The following DAPK1 variants were observed in gnomAD, a reference collection of about 807,000 sequenced individuals.
The protein encoded by DAPK1 is death-associated protein kinase 1.
Under a neutral mutation model 144.9 loss-of-function variants are expected in DAPK1, and 56 were observed. That is an observed-to-expected ratio of 0.39 (90% CI 0.31 to 0.48). The LOEUF (loss-of-function observed/expected upper bound fraction) is 0.48, where lower values mean the gene tolerates loss of function less well. Among genes scored for constraint, DAPK1 ranks in the 20% least tolerant of loss-of-function variants. DAPK1 has a pLI of 0.95. For missense variants in DAPK1, 1,454 were observed against 1,875.4 expected (o/e 0.78, Z 4.15); for synonymous variants, 690 against 749.0 (o/e 0.92, Z 1.29).
At chr9:87,581,439 CTTAG>C (rs750237267) in intron 2 of DAPK1, among the ~76,000 whole-genome samples, 1 of 151,326 alleles carries the variant, frequency 6.6e-6, no homozygotes, top group Non-Finnish European at 1.5e-5. Flanking sequence ...AAAAAAAAAA[CTTAG>C]TTAATTTTAC....
chr9:87,594,944 C>G lies in DAPK1; in HGVS notation c.63-10010C>G, dbSNP rs916112773. On this transcript the variant is annotated intron_variant, in intron 2 of 25. Transcript: ENST00000408954. ...TCAATCCCAGGAAGGTCTGAATCCA[C>G]CTGGGCACCTCCCACCTCCACCTCT... Among the ~76,000 whole-genome samples, 5 of 152,210 alleles carry G rather than the reference C, an allele frequency of 3.3e-5. No individual in the cohort carries two copies. In the East Asian group the frequency reaches 9.7e-4, roughly 29 times the overall value.
At chr9:87,556,757 C>T (rs7869390) in intron 2 of DAPK1, among the ~76,000 whole-genome samples, 45,180 of 152,160 alleles carry the variant, frequency 0.3, 7,036 homozygotes, top group Middle Eastern at 0.41. Context: ...CTCCTCAGCC[C>T]ATACCCTCAG....
chr9:87,545,563 TG>T (rs1826219020), intron 2 of DAPK1, among the ~76,000 whole-genome samples: 1 of 152,148 alleles, frequency 6.6e-6, no homozygotes, highest in African/African-American at 2.4e-5. Context: ...AATTTTTTTT[TG>T]AGATGGAGTT....
At chr9:87,659,359 C>T (rs1830749341) in intron 18 of DAPK1, among the ~76,000 whole-genome samples, 1 of 152,204 alleles carries the variant, frequency 6.6e-6, no homozygotes, top group South Asian at 2.1e-4. Context: ...CCCTGCTGTG[C>T]CTGACTTGCT....
At chr9:87,517,217 G>T (rs998518776) in intron 2 of DAPK1, among the ~76,000 whole-genome samples, 1 of 151,866 alleles carries the variant, frequency 6.6e-6, no homozygotes, top group African/African-American at 2.4e-5. Flanking sequence ...AGTGGGCACC[G>T]ATAGCAGGCT....
intron 2 of DAPK1, among the ~76,000 whole-genome samples, chr9:87,503,802 C>T (rs1464297376): frequency 6.6e-6 from 1 of 152,164 alleles, no homozygotes; most frequent in Non-Finnish European, 1.5e-5. Context: ...GTAATGAGCA[C>T]AGCAGCCAAA....
At chr9:87,696,163 A>G (rs1825251404) in intron 21 of DAPK1, among the ~76,000 whole-genome samples, 1 of 4,846 alleles carries the variant, frequency 2.1e-4, no homozygotes, top group Non-Finnish European at 3.5e-4. Flanking sequence ...ATATATATGT[A>G]TACAGACACA....
intron 2 of DAPK1, among the ~76,000 whole-genome samples, chr9:87,566,398 T>A (rs1231945055): frequency 6.6e-6 from 1 of 152,102 alleles, no homozygotes; most frequent in African/African-American, 2.4e-5. Flanking sequence ...TATTAAGCCA[T>A]TCTTGTTCTT....
chr9:87,707,668 T>G lies in DAPK1; in HGVS notation c.*304T>G. 2 of 489,608 alleles carry G rather than the reference T, an allele frequency of 4.1e-6. No individual in the cohort carries two copies. The highest frequency in any genetic ancestry group is 3.7e-6 in the Non-Finnish European group (1 of 268,672). 30.3% of individuals were successfully genotyped at this position (489,608 alleles called of 1,614,324 possible). On this transcript the variant is annotated 3_prime_UTR_variant, in exon 26 of 26. Coordinates refer to ENST00000408954, the MANE Select transcript of DAPK1 (RefSeq NM_004938.4). The surrounding 1 kb of genome is among the most constrained non-coding windows in gnomAD (Gnocchi z 4.0). ...ATCTCTCATCCTCCAGTACCTTGCT[T>G]CTTACTGATAATTTTGCTGGAATTC...
At chr9:87,565,488 G>A (rs1352300517) in intron 2 of DAPK1, among the ~76,000 whole-genome samples, 1 of 152,278 alleles carries the variant, frequency 6.6e-6, no homozygotes, top group Middle Eastern at 3.4e-3. Flanking sequence ...CTCACTACAG[G>A]TCATTGCAGC....
chr9:87,544,479 T>TGCATGCATACATACACACTTGTGTAC (rs1826165736), intron 2 of DAPK1, among the ~76,000 whole-genome samples: 4 of 152,236 alleles, frequency 2.6e-5, no homozygotes, highest in African/African-American at 9.6e-5. Context: ...TATGTGTGTA[T>TGCATGCATACATACACACTTGTGTAC]GCATGCATAC....
rs1329665184 is a variant in DAPK1, at chr9:87,645,941, A to G, written c.1058A>G (p.Asn353Ser). ...FVMKAIIHAI[N>S]DDNVPGLQHL... Reference sequence around the variant, plus strand: ...ATGAAAGCCATCATCCATGCCATCAACGATGACAATGTCCCAGGCCTGCAG... The same window carrying G: ...ATGAAAGCCATCATCCATGCCATCAGCGATGACAATGTCCCAGGCCTGCAG... The change falls in exon 12 of 26, where the codon AAC becomes AGC. Residue 353 changes from asparagine (N) to serine (S), a missense_variant. Asn to Ser is a conservative substitution (Grantham distance 46). Around this residue, in one of 2 missense-constraint regions of DAPK1, gnomAD observed 429 missense variants for 637.5 expected, o/e 0.67. Transcript: ENST00000408954. 36 of 1,613,846 alleles carry G rather than the reference A, an allele frequency of 2.2e-5. No individual in the cohort carries two copies. Among genetic ancestry groups the G allele is most frequent in the Non-Finnish European group, 3.0e-5 (35 of 1,179,822 alleles).
chr9:87,644,127 T>C (rs1363361398), intron 11 of DAPK1, among the ~76,000 whole-genome samples: 2 of 152,208 alleles, frequency 1.3e-5, no homozygotes, highest in Non-Finnish European at 2.9e-5. Context: ...TTTATCAAAT[T>C]TGTTGTTCGG....
chr9:87,511,179 C>G (rs1448537421), intron 2 of DAPK1, among the ~76,000 whole-genome samples: 1 of 152,172 alleles, frequency 6.6e-6, no homozygotes, highest in Non-Finnish European at 1.5e-5. Flanking sequence ...TGGGCTCATT[C>G]TGCCAAGTTT....
intron 2 of DAPK1, among the ~76,000 whole-genome samples, chr9:87,591,602 G>T (rs1828136788): frequency 6.6e-6 from 1 of 152,086 alleles, no homozygotes; most frequent in Admixed American, 6.6e-5. Context: ...TATATACCAG[G>T]GTGATTAAAA....
intron 11 of DAPK1, 58 bp downstream of exon 11, chr9:87,643,526 C>A (rs567416472): frequency 4.5e-6 from 5 of 1,109,488 alleles, no homozygotes; most frequent in African/African-American, 1.6e-5. Flanking sequence ...TCAGAATGAC[C>A]AAGCTGTTCT....
intron 25 of DAPK1, among the ~76,000 whole-genome samples, chr9:87,705,338 T>C (rs1587858498): frequency 6.7e-6 from 1 of 149,594 alleles, no homozygotes; most frequent in Non-Finnish European, 1.5e-5. Context: ...GCCTCCTGGG[T>C]TCAAGTGATT....
chr9:87,648,594 T>C lies in DAPK1; in HGVS notation c.1330-187T>C, dbSNP rs36213350. Reference sequence around the variant, plus strand: ...CCAAGTATGTGGGCTTAATACTCACTGTGTGGTGGACACCCCAACCTCAGG... The same window carrying C: ...CCAAGTATGTGGGCTTAATACTCACCGTGTGGTGGACACCCCAACCTCAGG... On this transcript the variant is annotated intron_variant, in intron 14 of 25. Coordinates refer to ENST00000408954, the MANE Select transcript of DAPK1 (RefSeq NM_004938.4). 1.2e-3 allele frequency: 714 copies of C among 584,682 alleles called. 1 individual carries two copies. The highest frequency in any genetic ancestry group is 2.8e-3 in the South Asian group (132 of 47,096). 36.2% of individuals were successfully genotyped at this position (584,682 alleles called of 1,614,324 possible). A position where few individuals can be genotyped will look rare whatever the true frequency, so the allele number is the denominator to read the frequency against.
In DAPK1 at chr9:87,686,562, A is replaced by G. The variant is rs1483252494; in HGVS notation, c.2236A>G (p.Ile746Val). Reference sequence around the variant, plus strand: ...TTTCCATCCTGCAGTCTCAGTGAGCATCAACAACCTGTACCCAGGCTGCGA... The same window carrying G: ...TTTCCATCCTGCAGTCTCAGTGAGCGTCAACAACCTGTACCCAGGCTGCGA... ...LASKPTVSVS[I>V]NNLYPGCENV... Residue 746 changes from isoleucine to valine, a missense_variant, in exon 21 of 26, where the codon ATC (isoleucine) becomes GTC (valine). Ile to Val is a conservative substitution (Grantham distance 29, BLOSUM62 3). Transcript: ENST00000408954. This position sits in a 1 kb window ranked among gnomAD's most constrained non-coding sequence, Gnocchi z 4.2. 2 of 1,560,854 alleles carry G rather than the reference A, an allele frequency of 1.3e-6. No homozygotes were observed. Among genetic ancestry groups the G allele is most frequent in the East Asian group, 2.3e-5 (1 of 42,654 alleles).
Sources: allele counts gnomAD v4.1 joint callset (sites outside exome capture counted in the v4.1 genomes callset), GRCh38; gene constraint gnomAD v4.1.1; regional missense constraint gnomAD v4.1.1; non-coding constraint Gnocchi (gnomAD v3.1); transcripts MANE v1.5; gene names NCBI Gene and HGNC (gene_info 2026-07-23, HGNC 2026-07-21).